The following NAT9 variants were observed in gnomAD, a reference collection of about 807,000 sequenced individuals.
The protein encoded by NAT9 is N-acetyltransferase 9.
Under a neutral mutation model 24.0 loss-of-function variants are expected in NAT9, and 18 were observed. That is an observed-to-expected ratio of 0.75 (90% CI 0.52 to 1.11). The LOEUF is 1.11. NAT9 is among the 50% of genes most tolerant of loss of function. The pLI, the probability that NAT9 is intolerant of heterozygous loss-of-function variation, is 0.00. For synonymous variants in NAT9, 104 were observed against 102.3 expected, an observed-to-expected ratio of 1.02 and a Z score of -0.10; for missense variants, 254 against 258.6, an observed-to-expected ratio of 0.98 and a Z score of 0.12.
At chr17:74,775,956 C>CA (rs1388202127) in intron 1 of NAT9, 7 of 435,398 alleles carry the variant, frequency 1.6e-5, no homozygotes, top group Non-Finnish European at 2.5e-5. Flanking sequence ...TCCTTCCGTC[C>CA]ACTCCCCAGA....
At position 74,775,610 on chromosome 17, in the gene NAT9, C is replaced by A. The variant is rs200971391; in HGVS notation, c.77+12G>T. The A allele has an allele frequency of 1.9e-6, 3 of 1,612,356 alleles. No homozygotes were observed. Among genetic ancestry groups the A allele is most frequent in the East Asian group, 2.2e-5 (1 of 44,874 alleles). The stretch of plus-strand genomic sequence containing the variant: ...GTGCTGATACGCACCCCATGTCAAG[C>A]GGGAAAGATACCTGGGCACATGCTC... On this transcript the variant is annotated intron_variant, in intron 2 of 6. Transcript: ENST00000357814.
At chr17:74,775,558 C>T in intron 2 of NAT9, 64 bp downstream of exon 2, 2 of 1,343,092 alleles carry the variant, frequency 1.5e-6, no homozygotes, top group East Asian at 4.8e-5. Context: ...AGCCCTGAGA[C>T]TGGGGCTGTA....
chr17:74,771,426 A>G lies in NAT9; in HGVS notation c.*298T>C, dbSNP rs3744208. ...ATGTTCCAGGTCCCCCTGCACCTCCAGCTCCCACCTTCATCCCGACATCTC... is the reference window on the plus strand; with the variant it reads ...ATGTTCCAGGTCCCCCTGCACCTCCGGCTCCCACCTTCATCCCGACATCTC... On this transcript the variant is annotated 3_prime_UTR_variant, in exon 7 of 7. Transcript: ENST00000357814. The G allele has an allele frequency of 0.5, 235,041 of 470,334 alleles. 59,935 individuals carry two copies. Among genetic ancestry groups the G allele is most frequent in the Admixed American group, 0.54 (16,272 of 30,098 alleles). 29.1% of individuals were successfully genotyped at this position (470,334 alleles called of 1,614,324 possible).
chr17:74,776,199 G>A (rs1373675526), intron 1 of NAT9, 68 bp downstream of exon 1: 1 of 152,688 alleles, frequency 6.5e-6, no homozygotes, highest in Non-Finnish European at 1.5e-5. Context: ...CCCTTTGAGT[G>A]GCGTTCTAGA....
chr17:74,774,551 C>CTCTTTT (rs1555603915), intron 2 of NAT9, among the ~76,000 whole-genome samples: 8 of 130,154 alleles, frequency 6.1e-5, no homozygotes, highest in Admixed American at 1.6e-4. Flanking sequence ...AGGCTGGTCT[C>CTCTTTT]TTTTTTTTTT....
intron 3 of NAT9, 33 bp downstream of exon 3, chr17:74,773,543 C>G (rs1213723216): frequency 6.4e-7 from 1 of 1,571,046 alleles, no homozygotes. Context: ...CTCCCAGTAC[C>G]AGGGCTAGGG....
At position 74,771,878 on chromosome 17, in the gene NAT9, C is replaced by T. The variant is rs1474928162; in HGVS notation, c.490-20G>A. On this transcript the variant is annotated intron_variant, in intron 6 of 6. Coordinates refer to ENST00000357814, the MANE Select transcript of NAT9 (RefSeq NM_015654.5). ...AGCCACCTACGTGAGCCAGAGAGAA[C>T]AAAGCCTGCTAAGTTACAGTATTAC... 7 of 1,614,130 alleles carry T rather than the reference C, an allele frequency of 4.3e-6. No individual in the cohort carries two copies. The highest frequency in any genetic ancestry group is 5.1e-6 in the Non-Finnish European group (6 of 1,180,046).
intron 4 of NAT9, 51 bp downstream of exon 4, chr17:74,772,845 G>A (rs1383224300): frequency 2.5e-6 from 4 of 1,609,568 alleles, no homozygotes; most frequent in Admixed American, 1.7e-5. Flanking sequence ...GGCTCAGTCA[G>A]CAGATCTGAG....
intron 3 of NAT9, 175 bp downstream of exon 3, chr17:74,773,401 G>A: frequency 1.6e-6 from 1 of 616,200 alleles, no homozygotes; most frequent in Non-Finnish European, 2.9e-6. Flanking sequence ...GAGGACAGAA[G>A]GGTCAGCCAC....
At chr17:74,773,882 G>A (rs750728855) in intron 2 of NAT9, 194 bp from the exon 3 acceptor site, 4 of 554,592 alleles carry the variant, frequency 7.2e-6, no homozygotes, top group African/African-American at 3.8e-5. Flanking sequence ...ACAGCAGGAC[G>A]AGTCAGTTCT....
At position 74,775,679 on chromosome 17, in the gene NAT9, G is replaced by A; in HGVS notation, c.20C>T (p.Thr7Ile). MRLNQN[T>I]LLLGKKVVLV... ...GACCACCTTCTTCCCCAGCAGCAAG[G>A]TGTTCTGATTCAACCTCATGGTAGC... Residue 7 changes from threonine (T) to isoleucine (I), a missense_variant, in exon 2 of 7, where the codon ACC (threonine) becomes ATC (isoleucine). Thr to Ile is a moderately conservative substitution (Grantham distance 89). Transcript: ENST00000357814. 1.9e-6 allele frequency: 3 copies of A among 1,614,114 alleles called. No individual in the cohort carries two copies. Among genetic ancestry groups the A allele is most frequent in the East Asian group, 2.2e-5 (1 of 44,884 alleles).
Position 74,771,345 on chromosome 17 carries a change from C to G in NAT9, c.*379G>C, listed in dbSNP as rs889979655. On this transcript the variant is annotated 3_prime_UTR_variant, in exon 7 of 7. Transcript: ENST00000357814. The stretch of plus-strand genomic sequence containing the variant: ...AGCTGGTAGTGCCTGGAGCTTCACT[C>G]CCAGCCAGGGCAGCACCTCTGGCCT... 2 of 258,620 alleles carry G rather than the reference C, an allele frequency of 7.7e-6. No homozygotes were observed. Among genetic ancestry groups the G allele is most frequent in the South Asian group, 1.2e-4 (2 of 16,192 alleles). The allele number at this position is 258,620 out of a possible 1,614,324, so 16.0% of individuals were successfully genotyped here.
intron 3 of NAT9, chr17:74,773,337 C>G (rs1048452582): frequency 1.2e-5 from 7 of 591,886 alleles, no homozygotes; most frequent in Non-Finnish European, 1.8e-5. Context: ...AGCCAGAGCC[C>G]CAAATGCTCT....
intron 2 of NAT9, 92 bp downstream of exon 2, chr17:74,775,530 T>C: frequency 1.8e-6 from 2 of 1,103,936 alleles, no homozygotes; most frequent in Non-Finnish European, 2.6e-6. Context: ...ACAACCAATG[T>C]TTCTTCTTAG....
Position 74,773,611 on chromosome 17 carries a change from TAC to T in NAT9, c.153_154del (p.Tyr52CysfsTer66), listed in dbSNP as rs2035543545. The T allele has an allele frequency of 1.2e-6, 2 of 1,614,018 alleles. No homozygotes were observed. Among genetic ancestry groups the T allele is most frequent in the Non-Finnish European group, 1.7e-6 (2 of 1,180,028 alleles). ...TTCCTGCCAGCTGCACTGCATGGCATACTCCTGCTCCAGGGTCAGCGGCTCCG... is the reference window on the plus strand; with the variant it reads ...TTCCTGCCAGCTGCACTGCATGGCATTCCTGCTCCAGGGTCAGCGGCTCCG... On this transcript the variant is annotated frameshift_variant, in exon 3 of 7. Coordinates refer to ENST00000357814, the MANE Select transcript of NAT9 (RefSeq NM_015654.5). LOFTEE classifies it high-confidence loss of function.
chr17:74,773,489 G>T, intron 3 of NAT9, 87 bp downstream of exon 3: 3 of 1,183,336 alleles, frequency 2.5e-6, no homozygotes, highest in Non-Finnish European at 3.8e-6. Flanking sequence ...TATGGCCGGG[G>T]CTGGGAAAGG....
intron 1 of NAT9, 30 bp from the exon 2 acceptor site, chr17:74,775,737 C>A: frequency 4.4e-6 from 7 of 1,596,026 alleles, no homozygotes; most frequent in Non-Finnish European, 6.0e-6. Context: ...GCAAAGACTT[C>A]AGGACCCTGA....
Position 74,772,062 on chromosome 17 carries a change from A to G in NAT9, c.395-8T>C. 2 of 1,614,176 alleles carry G rather than the reference A, an allele frequency of 1.2e-6. No homozygotes were observed. The highest frequency in any genetic ancestry group is 2.2e-5 in the South Asian group (2 of 91,082). On this transcript the variant is annotated splice_region_variant and splice_polypyrimidine_tract_variant and intron_variant, in intron 5 of 6. Coordinates refer to ENST00000357814, the MANE Select transcript of NAT9 (RefSeq NM_015654.5). ...GACCTAGCGTGGTCACTCCTCGCAG[A>G]GGAGATGAGACAGGGGCAAGTAAGG...
rs768233946 is a variant in NAT9 at position 74,773,055 on chromosome 17, C to A, written c.191-16G>T. 9 of 1,612,698 alleles carry A rather than the reference C, an allele frequency of 5.6e-6. No homozygotes were observed. Among genetic ancestry groups the A allele is most frequent in the Non-Finnish European group, 7.6e-6 (9 of 1,179,564 alleles). On this transcript the variant is annotated splice_polypyrimidine_tract_variant and intron_variant, in intron 3 of 6. Transcript: ENST00000357814. ...AAGGTACACTCTGAGGAGGAGGTGA[C>A]AGGGCTATCACACACACTCCCCAGA...
Sources: allele counts gnomAD v4.1 joint callset (sites outside exome capture counted in the v4.1 genomes callset), GRCh38; gene constraint gnomAD v4.1.1; transcripts MANE v1.5; gene names NCBI Gene and HGNC (gene_info 2026-07-23, HGNC 2026-07-21).